Variants in DDI2 observed in about 807,000 individuals in gnomAD.
DDI2 encodes protein DDI1 homolog 2.
In DDI2, 5 loss-of-function variants were observed where a neutral mutation model predicts 48.1. The ratio of observed to expected loss-of-function variants is 0.10; its 90% CI spans 0.05 to 0.22. DDI2 has a LOEUF of 0.22. Ranked by LOEUF, DDI2 falls within the 10% of genes least tolerant of loss-of-function variation. The probability of loss-of-function intolerance (pLI) is 1.00; values close to 1 mark genes in which losing one functional copy is unlikely to be tolerated. For missense variants in DDI2, 285 were observed against 506.2 expected (o/e 0.56, Z 4.19); for synonymous variants, 205 against 183.6 (o/e 1.12, Z -0.94).
At position 15,633,357 on chromosome 1, in the gene DDI2, G is replaced by T. The variant is rs1221422000; in HGVS notation, c.506-82G>T. ...TCTGCATCTCTTACAGATGTAGTTT[G>T]ATAAATTGTTTGGTGTGGAAAAGTA... On this transcript the variant is annotated intron_variant, in intron 3 of 9. Transcript: ENST00000480945. The T allele has an allele frequency of 2.0e-6, 3 of 1,508,328 alleles. No individual in the cohort carries two copies. The African/African-American group carries it at 4.2e-5, about 21-fold the overall frequency. 93.4% of individuals were successfully genotyped at this position (1,508,328 alleles called of 1,614,324 possible).
intron 3 of DDI2, among the ~76,000 whole-genome samples, chr1:15,631,940 G>A (rs1639852093): frequency 6.6e-6 from 1 of 151,958 alleles, no homozygotes; most frequent in African/African-American, 2.4e-5. Context: ...CAAGTAGCTG[G>A]GACTACAGGC....
intron 5 of DDI2, among the ~76,000 whole-genome samples, chr1:15,638,851 C>T (rs1032805807): frequency 1.1e-4 from 17 of 152,118 alleles, no homozygotes; most frequent in Non-Finnish European, 2.1e-4. Flanking sequence ...GTTTCACTTG[C>T]GAGGCATTCT....
intron 7 of DDI2, 84 bp downstream of exon 7, chr1:15,649,907 C>A: frequency 7.5e-7 from 1 of 1,327,238 alleles, no homozygotes; most frequent in Non-Finnish European, 1.0e-6. Context: ...GTTACATATA[C>A]TGGAAAACTA....
chr1:15,650,654 T>G (rs976029653), intron 7 of DDI2, among the ~76,000 whole-genome samples: 2 of 152,104 alleles, frequency 1.3e-5, no homozygotes, highest in Non-Finnish European at 2.9e-5. Context: ...AGAGGATCCC[T>G]TGAGACCAGG....
intron 8 of DDI2, among the ~76,000 whole-genome samples, chr1:15,656,066 C>T (rs1640270000): frequency 6.6e-6 from 1 of 152,098 alleles, no homozygotes; most frequent in Non-Finnish European, 1.5e-5. Flanking sequence ...ATTTTGAACT[C>T]CTGACCTCAA....
In DDI2 at chr1:15,630,334, G is replaced by A. The variant is rs779619064; in HGVS notation, c.278G>A (p.Arg93Gln). The change falls in exon 3 of 10, where the codon CGA (arginine) becomes CAA (glutamine). Residue 93 changes from arginine to glutamine, a missense_variant. This residue lies in a region of DDI2 where 149 missense variants were observed against 236.5 expected (regional missense o/e 0.63). Coordinates refer to ENST00000480945, the MANE Select transcript of DDI2 (RefSeq NM_032341.5). Reference sequence around the variant, plus strand: ...TGATTTTCCCCAACAGACTTACCCCGAATAGATTTCAGTAGTATAGCTGTG... The same window carrying A: ...TGATTTTCCCCAACAGACTTACCCCAAATAGATTTCAGTAGTATAGCTGTG... ...RPPVQFPNLPRIDFSSIAVPG... is the reference protein window; with the variant it reads ...RPPVQFPNLPQIDFSSIAVPG... 4.1e-5 allele frequency: 66 copies of A among 1,613,954 alleles called. No individual in the cohort carries two copies. Among genetic ancestry groups the A allele is most frequent in the Middle Eastern group, 3.3e-4 (2 of 6,084 alleles).
intron 8 of DDI2, among the ~76,000 whole-genome samples, chr1:15,652,446 C>CGAGGG (rs1436812543): frequency 6.3e-5 from 1 of 15,920 alleles, no homozygotes; most frequent in African/African-American, 1.9e-4. Context: ...TGGGAGGCTC[C>CGAGGG]GGAGGGGGGG....
chr1:15,651,229 T>C (rs552797422), intron 7 of DDI2, among the ~76,000 whole-genome samples: 1 of 152,354 alleles, frequency 6.6e-6, no homozygotes, highest in African/African-American at 2.4e-5. Flanking sequence ...TTCCTTATTT[T>C]TTTAGTCATG....
chr1:15,635,756 C>T (rs536394224), intron 4 of DDI2, among the ~76,000 whole-genome samples: 27 of 152,296 alleles, frequency 1.8e-4, no homozygotes, highest in African/African-American at 6.5e-4. Flanking sequence ...AGACTCTCTA[C>T]ATATGGACCC....
intron 8 of DDI2, among the ~76,000 whole-genome samples, chr1:15,654,657 C>CAA (rs201383199): frequency 8.3e-5 from 9 of 108,778 alleles, no homozygotes; most frequent in Non-Finnish European, 1.0e-4. Flanking sequence ...ATCCTGTGTC[C>CAA]AAAAAAAAAA....
intron 6 of DDI2, among the ~76,000 whole-genome samples, chr1:15,645,867 C>CAAAAAAAAA (rs562840511): frequency 1.0e-5 from 1 of 95,720 alleles, no homozygotes. Flanking sequence ...GAACTCGTCT[C>CAAAAAAAAA]AAAAAAAAAA....
chr1:15,624,103 G>C (rs1286449339), intron 1 of DDI2, among the ~76,000 whole-genome samples: 1 of 152,186 alleles, frequency 6.6e-6, no homozygotes, highest in Non-Finnish European at 1.5e-5. Context: ...GCTCCCAGGA[G>C]ACTGTTCATG....
chr1:15,644,982 C>T (rs542129584), intron 6 of DDI2, among the ~76,000 whole-genome samples: 255 of 151,712 alleles, frequency 1.7e-3, no homozygotes, highest in Middle Eastern at 0.014. Flanking sequence ...CTCCGCCTCC[C>T]GGGTTCAAGC....
In DDI2 at chr1:15,661,901, G is replaced by T. The variant is rs1297213092; in HGVS notation, c.*2111G>T. ...CGGCCAAAGTAATTTATGATCTTTT[G>T]TCTGATGAATTTGTCTATCCTACTT... On this transcript the variant is annotated 3_prime_UTR_variant, in exon 10 of 10. Coordinates refer to ENST00000480945, the MANE Select transcript of DDI2 (RefSeq NM_032341.5). 14 of 900,990 alleles carry T rather than the reference G, an allele frequency of 1.6e-5. No homozygotes were observed. In the South Asian group the frequency reaches 3.8e-4, roughly 25 times the overall value. The allele number at this position is 900,990 out of a possible 1,614,324, so 55.8% of individuals were successfully genotyped here.
At chr1:15,659,140 T>A (rs1225482071) in intron 9 of DDI2, among the ~76,000 whole-genome samples, 1 of 152,196 alleles carries the variant, frequency 6.6e-6, no homozygotes, top group Non-Finnish European at 1.5e-5. Flanking sequence ...TTTACCATGA[T>A]TTTTGGAAAG....
In DDI2 at chr1:15,665,613, A is replaced by C. The variant is rs561442070; in HGVS notation, c.*5823A>C. On this transcript the variant is annotated 3_prime_UTR_variant, in exon 10 of 10. Transcript: ENST00000480945. ...TATATGTGTGTAAGCTAGCATATAC[A>C]TATGGTGATTGACAAGTATAGTTAA... 6.6e-6 allele frequency: 1 copy of C among 152,234 alleles called. No homozygotes were observed. Among genetic ancestry groups the C allele is most frequent in the Non-Finnish European group, 1.5e-5 (1 of 68,038 alleles). The allele number at this position is 152,234 out of a possible 1,614,324, so 9.4% of individuals were successfully genotyped here.
chr1:15,657,281 C>T (rs1640286549), intron 9 of DDI2, among the ~76,000 whole-genome samples: 1 of 152,098 alleles, frequency 6.6e-6, no homozygotes, highest in Admixed American at 6.6e-5. Flanking sequence ...AACATCAGCT[C>T]GAATACATTG....
At position 15,649,782 on chromosome 1, in the gene DDI2, A is replaced by G; in HGVS notation, c.952A>G (p.Met318Val). The change falls in exon 7 of 10, where the codon ATG (methionine) becomes GTG (valine). Residue 318 changes from methionine to valine, a missense_variant. Transcript: ENST00000480945. ...CTTCTCTATACTTGAGGAACAGCCCATGGACATGCTTCTGGGACTGGACAT... is the reference window on the plus strand; with the variant it reads ...CTTCTCTATACTTGAGGAACAGCCCGTGGACATGCTTCTGGGACTGGACAT... ...CSFSILEEQPMDMLLGLDMLK... is the reference protein window; with the variant it reads ...CSFSILEEQPVDMLLGLDMLK... 6.2e-7 allele frequency: 1 copy of G among 1,613,710 alleles called. No homozygotes were observed.
At chr1:15,619,089 A>G (rs1267853046) in intron 1 of DDI2, among the ~76,000 whole-genome samples, 1 of 152,228 alleles carries the variant, frequency 6.6e-6, no homozygotes, top group Non-Finnish European at 1.5e-5. Context: ...GACTGTTTAA[A>G]TAGAGAAAAT....
Sources: gnomAD v4.1 joint callset for allele counts (sites outside exome capture counted in the v4.1 genomes callset) on GRCh38, gnomAD v4.1.1 for gene constraint, gnomAD v4.1.1 regional missense constraint, MANE v1.5 for transcripts, NCBI Gene and HGNC (gene_info 2026-07-23, HGNC 2026-07-21) for gene names.